The following ZBTB20 variants were observed in gnomAD, a reference collection of about 807,000 sequenced individuals.
ZBTB20 encodes zinc finger and BTB domain containing 20, also known as zinc finger and BTB domain-containing protein 20.
In ZBTB20, 9 loss-of-function variants were observed where a neutral mutation model predicts 56.9. The observed-to-expected ratio is 0.16, with a 90% confidence interval of 0.10 to 0.28. ZBTB20 has a LOEUF of 0.28. Ranked by LOEUF, ZBTB20 falls within the 10% of genes least tolerant of loss-of-function variation. ZBTB20 has a pLI of 1.00. For missense variants in ZBTB20, 655 were observed against 1,003.0 expected (o/e 0.65, Z 4.69); for synonymous variants, 417 against 420.7 (o/e 0.99, Z 0.11).
intron 2 of ZBTB20, among the ~76,000 whole-genome samples, chr3:115,052,950 A>G (rs959357721): frequency 6.6e-6 from 1 of 152,198 alleles, no homozygotes; most frequent in South Asian, 2.1e-4. Context: ...GTTTATAGCT[A>G]ATCAAACTCT....
chr3:114,882,802 T>G (rs922493023), intron 4 of ZBTB20, among the ~76,000 whole-genome samples: 1 of 152,146 alleles, frequency 6.6e-6, no homozygotes, highest in African/African-American at 2.4e-5. Flanking sequence ...TGGTGAATAG[T>G]GCTATCAGTC....
chr3:114,655,242 CTTTTTTT>C (rs3085998), intron 6 of ZBTB20, among the ~76,000 whole-genome samples: 4 of 91,676 alleles, frequency 4.4e-5, no homozygotes, highest in Middle Eastern at 8.6e-3. Flanking sequence ...TTTTCCTTTC[CTTTTTTT>C]TTTTTTTTTT....
intron 6 of ZBTB20, among the ~76,000 whole-genome samples, chr3:114,653,994 ATC>A (rs1463782459): frequency 1.7e-4 from 26 of 151,796 alleles, no homozygotes; most frequent in African/African-American, 6.0e-4. Flanking sequence ...AATTTGTATC[ATC>A]TCTTTTTTCT....
At chr3:114,458,217 T>A (rs1295643713) in intron 7 of ZBTB20, among the ~76,000 whole-genome samples, 1 of 152,174 alleles carries the variant, frequency 6.6e-6, no homozygotes, top group African/African-American at 2.4e-5. Flanking sequence ...CCAGTTCGGA[T>A]AATTACATCG....
intron 11 of ZBTB20, among the ~76,000 whole-genome samples, chr3:114,343,841 A>G (rs1222608710): frequency 6.6e-6 from 1 of 152,090 alleles, no homozygotes; most frequent in Non-Finnish European, 1.5e-5. Context: ...TGAGGTCAGG[A>G]GGCCGAGACC....
intron 1 of ZBTB20, among the ~76,000 whole-genome samples, chr3:115,137,075 A>G (rs963123438): frequency 1.3e-5 from 2 of 152,114 alleles, no homozygotes; most frequent in African/African-American, 2.4e-5. Context: ...TTTTTCAGTG[A>G]TGTATCCATT....
intron 3 of ZBTB20, among the ~76,000 whole-genome samples, chr3:114,946,417 T>C (rs572707050): frequency 6.9e-6 from 1 of 145,286 alleles, no homozygotes; most frequent in East Asian, 1.9e-4. Context: ...TTGATAAAAG[T>C]CAAAAATTGG....
intron 5 of ZBTB20, among the ~76,000 whole-genome samples, chr3:114,790,614 T>C (rs1444957975): frequency 1.3e-5 from 2 of 151,938 alleles, no homozygotes; most frequent in African/African-American, 2.4e-5. Context: ...TTTTACAAAT[T>C]TTACTAAAAG....
At chr3:114,579,218 G>T (rs1031585605) in intron 6 of ZBTB20, among the ~76,000 whole-genome samples, 2 of 151,624 alleles carry the variant, frequency 1.3e-5, no homozygotes, top group African/African-American at 4.8e-5. Context: ...GCTAAAAAAA[G>T]TTTTTCAATT....
intron 3 of ZBTB20, among the ~76,000 whole-genome samples, chr3:114,960,949 G>T (rs913029162): frequency 1.3e-5 from 2 of 152,044 alleles, no homozygotes; most frequent in African/African-American, 2.4e-5. Flanking sequence ...GGAAGGAGTG[G>T]TCAGCAAGAT....
At chr3:114,410,850 C>G (rs1276902173) in intron 7 of ZBTB20, among the ~76,000 whole-genome samples, 1 of 152,060 alleles carries the variant, frequency 6.6e-6, no homozygotes, top group Non-Finnish European at 1.5e-5. Flanking sequence ...TTTGAGCCGC[C>G]CATTTTCTGG....
At chr3:114,953,501 G>T (rs1199706246) in intron 3 of ZBTB20, among the ~76,000 whole-genome samples, 1 of 151,694 alleles carries the variant, frequency 6.6e-6, no homozygotes, top group Non-Finnish European at 1.5e-5. Flanking sequence ...AATGAAAAAG[G>T]TAGGTTTGAA....
chr3:114,927,448 C>T (rs1448180034), intron 3 of ZBTB20, among the ~76,000 whole-genome samples: 2 of 152,172 alleles, frequency 1.3e-5, no homozygotes, highest in Non-Finnish European at 1.5e-5. Context: ...AAATAAACTT[C>T]CTAAATTGAC....
intron 2 of ZBTB20, among the ~76,000 whole-genome samples, chr3:115,064,443 C>CTTTTTTTTTTTTT (rs34098178): frequency 5.1e-5 from 4 of 78,044 alleles, no homozygotes; most frequent in East Asian, 5.1e-4. Context: ...TCTCATAATT[C>CTTTTTTTTTTTTT]TTTTTTTTTT....
intron 4 of ZBTB20, among the ~76,000 whole-genome samples, chr3:114,802,712 T>C (rs752505475): frequency 1.8e-4 from 27 of 151,860 alleles, no homozygotes; most frequent in Admixed American, 9.9e-4. Context: ...TATAAATATA[T>C]TGAATAACAA....
chr3:114,864,719 A>C (rs17684118), intron 4 of ZBTB20, among the ~76,000 whole-genome samples: 3,636 of 152,194 alleles, frequency 0.024, 52 homozygotes, highest in South Asian at 0.051. Context: ...GTTGGTAAAG[A>C]AGACAAATTT....
intron 4 of ZBTB20, among the ~76,000 whole-genome samples, chr3:114,861,383 G>T (rs1389884172): frequency 2.0e-5 from 3 of 151,898 alleles, no homozygotes; most frequent in Admixed American, 2.0e-4. Flanking sequence ...TATATGGTAG[G>T]TGCTCACTAT....
chr3:114,814,525 A>G (rs758409401), intron 4 of ZBTB20, among the ~76,000 whole-genome samples: 5 of 152,098 alleles, frequency 3.3e-5, no homozygotes, highest in Non-Finnish European at 7.3e-5. Flanking sequence ...GTTTTCTTCT[A>G]CCTTCGAAGC....
intron 8 of ZBTB20, 124 bp from the exon 9 acceptor site, chr3:114,381,064 A>C (rs1381900826): frequency 1.7e-5 from 4 of 231,912 alleles, no homozygotes; most frequent in African/African-American, 9.0e-5. Flanking sequence ...ATTTTAAATA[A>C]AATTTCAAAT....
Sources: gnomAD v4.1 joint callset for allele counts (sites outside exome capture counted in the v4.1 genomes callset) on GRCh38, gnomAD v4.1.1 for gene constraint, MANE v1.5 for transcripts, NCBI Gene and HGNC (gene_info 2026-07-23, HGNC 2026-07-21) for gene names.